Variants in MAT1A observed in about 807,000 individuals in gnomAD.
MAT1A encodes S-adenosylmethionine synthase isoform type-1.
Under a neutral mutation model 44.0 loss-of-function variants are expected in MAT1A, and 19 were observed. The ratio of observed to expected loss-of-function variants is 0.43; its 90% CI spans 0.30 to 0.63. MAT1A has a LOEUF of 0.63. Among genes scored for constraint, MAT1A ranks in the 30% least tolerant of loss-of-function variants. MAT1A has a pLI of 0.12. For synonymous variants in MAT1A, 205 were observed against 205.6 expected (o/e 1.00, Z 0.03); for missense variants, 397 against 531.0 (o/e 0.75, Z 2.48).
chr10:80,289,271 T>G lies in MAT1A; in HGVS notation c.91+62A>C, dbSNP rs1324974974. On this transcript the variant is annotated intron_variant, in intron 1 of 8. Coordinates refer to ENST00000372213, the MANE Select transcript of MAT1A (RefSeq NM_000429.3). ...GTGTCAAATTAAAACCATTTGTAAG[T>G]GACTCCCTCAGTATAGGCTTGGAAT... is the stretch of plus-strand genomic sequence containing the variant. 2.3e-6 allele frequency: 3 copies of G among 1,308,258 alleles called. No homozygotes were observed. In the Admixed American group the frequency reaches 5.0e-5, roughly 22 times the overall value. 81.0% of individuals were successfully genotyped at this position (1,308,258 alleles called of 1,614,324 possible). A position where few individuals can be genotyped will look rare whatever the true frequency, so the allele number is the denominator to read the frequency against.
chr10:80,273,596 C>G lies in MAT1A; in HGVS notation c.*185G>C. 1.6e-6 allele frequency: 1 copy of G among 636,590 alleles called. No individual in the cohort carries two copies. Among genetic ancestry groups the G allele is most frequent in the Non-Finnish European group, 2.8e-6 (1 of 353,194 alleles). The allele number at this position is 636,590 out of a possible 1,614,324, so 39.4% of individuals were successfully genotyped here. A position where few individuals can be genotyped will look rare whatever the true frequency, so the allele number is the denominator to read the frequency against. ...CCATCCTTACATCAAGATCCAACCT[C>G]CAGCACCAGGAAGCCCCTGCCTCCA... On this transcript the variant is annotated 3_prime_UTR_variant, in exon 9 of 9. Transcript: ENST00000372213.
At chr10:80,277,222 T>C (rs937234015) in intron 5 of MAT1A, among the ~76,000 whole-genome samples, 3 of 152,058 alleles carry the variant, frequency 2.0e-5, no homozygotes, top group Non-Finnish European at 4.4e-5. Context: ...CCCGCAGGGG[T>C]GCAGCTCTGC....
At chr10:80,282,640 G>A (rs1020796486) in intron 3 of MAT1A, among the ~76,000 whole-genome samples, 1 of 152,082 alleles carries the variant, frequency 6.6e-6, no homozygotes, top group African/African-American at 2.4e-5. Context: ...CTCATGTCCC[G>A]ACCAGGAGAA....
chr10:80,278,324 C>A (rs1365938454), intron 5 of MAT1A, among the ~76,000 whole-genome samples: 1 of 142,204 alleles, frequency 7.0e-6, no homozygotes, highest in Non-Finnish European at 1.5e-5. Context: ...GCACAATGAA[C>A]CTGTTTCAGC....
chr10:80,276,170 T>G (rs1589480528), intron 6 of MAT1A, among the ~76,000 whole-genome samples: 1 of 152,114 alleles, frequency 6.6e-6, no homozygotes, highest in Non-Finnish European at 1.5e-5. Flanking sequence ...TATCCCCCAT[T>G]TCTTGCACAC....
intron 1 of MAT1A, among the ~76,000 whole-genome samples, 190 bp from the exon 2 acceptor site, chr10:80,285,779 T>A (rs1329918601): frequency 6.6e-6 from 1 of 152,174 alleles, no homozygotes; most frequent in East Asian, 1.9e-4. Flanking sequence ...TGCCTAATTT[T>A]GGATGACACG....
At chr10:80,280,028 TA>T (rs1841541373) in intron 5 of MAT1A, 144 bp downstream of exon 5, 2 of 993,430 alleles carry the variant, frequency 2.0e-6, no homozygotes, top group Non-Finnish European at 3.0e-6. Flanking sequence ...ATTTTTCACA[TA>T]AATAGTTCTT....
chr10:80,280,031 A>C (rs1255586937), intron 5 of MAT1A, 142 bp downstream of exon 5: 1 of 1,008,340 alleles, frequency 9.9e-7, no homozygotes, highest in Non-Finnish European at 1.5e-6. Context: ...TTTCACATAA[A>C]TAGTTCTTTT....
chr10:80,276,353 T>G, intron 6 of MAT1A, 23 bp downstream of exon 6: 1 of 1,612,788 alleles, frequency 6.2e-7, no homozygotes, highest in Non-Finnish European at 8.5e-7. Context: ...AAACCAGGGC[T>G]TCGTTCAGAG....
intron 2 of MAT1A, 39 bp from the exon 3 acceptor site, chr10:80,284,077 G>C: frequency 6.2e-7 from 1 of 1,610,014 alleles, no homozygotes; most frequent in Non-Finnish European, 8.5e-7. Context: ...TAGCAGCCAA[G>C]TGCCAGCAAA....
Position 80,273,448 on chromosome 10 carries a change from G to C in MAT1A, c.*333C>G. On this transcript the variant is annotated 3_prime_UTR_variant, in exon 9 of 9. Transcript: ENST00000372213. ...ACCTGGCACAGGCAAGGGGAGGGAG[G>C]GGGAGCTGGTCAGGGTCCAGCTGTT... 1 of 353,050 alleles carries C rather than the reference G, an allele frequency of 2.8e-6. No individual in the cohort carries two copies. The highest frequency in any genetic ancestry group is 5.5e-6 in the Non-Finnish European group (1 of 181,330). The allele number at this position is 353,050 out of a possible 1,614,324, so 21.9% of individuals were successfully genotyped here. A position where few individuals can be genotyped will look rare whatever the true frequency, so the allele number is the denominator to read the frequency against.
At position 80,273,707 on chromosome 10, in the gene MAT1A, G is replaced by C; in HGVS notation, c.*74C>G. 9.2e-7 allele frequency: 1 copy of C among 1,083,524 alleles called. No individual in the cohort carries two copies. The highest frequency in any genetic ancestry group is 1.4e-6 in the Non-Finnish European group (1 of 698,654). 67.1% of individuals were successfully genotyped at this position (1,083,524 alleles called of 1,614,324 possible). A position where few individuals can be genotyped will look rare whatever the true frequency, so the allele number is the denominator to read the frequency against. ...TGGTGGGTGGGGAAGGCGATCAGCA[G>C]CCAGGCGTCTGGGGAAGAGGAGCAT... is the stretch of plus-strand genomic sequence containing the variant. On this transcript the variant is annotated 3_prime_UTR_variant, in exon 9 of 9. Transcript: ENST00000372213.
chr10:80,286,118 T>C (rs1473806069), intron 1 of MAT1A, among the ~76,000 whole-genome samples: 1 of 152,184 alleles, frequency 6.6e-6, no homozygotes, highest in Admixed American at 6.5e-5. Flanking sequence ...TGTTAGCCAC[T>C]GCGCCCGGTC....
chr10:80,276,261 T>C (rs1841484461), intron 6 of MAT1A, 115 bp downstream of exon 6: 10 of 1,038,564 alleles, frequency 9.6e-6, no homozygotes, highest in Non-Finnish European at 1.0e-5. Flanking sequence ...ATTTAGTCCA[T>C]GGCCAGAGTC....
chr10:80,275,578 C>T, intron 6 of MAT1A: 1 of 335,366 alleles, frequency 3.0e-6, no homozygotes, highest in Non-Finnish European at 5.7e-6. Context: ...TGCCATGCTG[C>T]CCACTTCCCA....
At chr10:80,282,620 T>C (rs1564647498) in intron 3 of MAT1A, among the ~76,000 whole-genome samples, 1 of 152,232 alleles carries the variant, frequency 6.6e-6, no homozygotes, top group Non-Finnish European at 1.5e-5. Flanking sequence ...GTGTTTCCTC[T>C]GTGAATACCC....
chr10:80,283,823 C>G, intron 3 of MAT1A, 93 bp downstream of exon 3: 1 of 1,567,280 alleles, frequency 6.4e-7, no homozygotes, highest in Non-Finnish European at 8.8e-7. Context: ...TATTGATGCT[C>G]CCATCGGGCT....
rs1381525325 is a variant in MAT1A, at chr10:80,272,741, T to C, written c.*1040A>G. 1 of 152,060 alleles carries C rather than the reference T, an allele frequency of 6.6e-6. No homozygotes were observed. Among genetic ancestry groups the C allele is most frequent in the Non-Finnish European group, 1.5e-5 (1 of 68,064 alleles). The allele number at this position is 152,060 out of a possible 1,614,324, so 9.4% of individuals were successfully genotyped here. A position where few individuals can be genotyped will look rare whatever the true frequency, so the allele number is the denominator to read the frequency against. The stretch of plus-strand genomic sequence containing the variant: ...TTACCCCAGAAGTCCAAAAACCCAA[T>C]CTCTGCATGTCTCTGAGTGGTCAGG... On this transcript the variant is annotated 3_prime_UTR_variant, in exon 9 of 9. Coordinates refer to ENST00000372213, the MANE Select transcript of MAT1A (RefSeq NM_000429.3).
At position 80,280,247 on chromosome 10, in the gene MAT1A, T is replaced by G. The variant is rs1368011064; in HGVS notation, c.475A>C (p.Lys159Gln). ...CMPLTIILAH[K>Q]LNARMADLRR... ...AGGTCTGCCATCCGGGCGTTGAGCT[T>G]GTGAGCAAGGATGATGGTGAGGGGC... The change falls in exon 5 of 9, where the codon AAG becomes CAG. Residue 159 changes from lysine (K) to glutamine (Q), a missense_variant. By Grantham distance (53) the Lys-to-Gln change is moderately conservative (BLOSUM62 1). Coordinates refer to ENST00000372213, the MANE Select transcript of MAT1A (RefSeq NM_000429.3). 1 of 1,613,750 alleles carries G rather than the reference T, an allele frequency of 6.2e-7. No individual in the cohort carries two copies. Among genetic ancestry groups the G allele is most frequent in the Admixed American group, 1.7e-5 (1 of 59,988 alleles).
Sources: allele counts gnomAD v4.1 joint callset (sites outside exome capture counted in the v4.1 genomes callset), GRCh38; gene constraint gnomAD v4.1.1; transcripts MANE v1.5; gene names NCBI Gene and HGNC (gene_info 2026-07-23, HGNC 2026-07-21).